The following GRB2 variants were observed in gnomAD, a reference collection of about 807,000 sequenced individuals.
The protein encoded by GRB2 is growth factor receptor bound protein 2.
Under a neutral mutation model 27.4 loss-of-function variants are expected in GRB2, and 2 were observed. The ratio of observed to expected loss-of-function variants is 0.07; its 90% CI spans 0.03 to 0.23. The LOEUF (loss-of-function observed/expected upper bound fraction) is 0.23. Ranked by LOEUF, GRB2 falls within the 10% of genes least tolerant of loss-of-function variation. The pLI, the probability that GRB2 is intolerant of heterozygous loss-of-function variation, is 1.00. For missense variants in GRB2, 102 were observed against 282.4 expected (o/e 0.36, Z 4.58); for synonymous variants, 94 against 99.6 (o/e 0.94, Z 0.33).
At chr17:75,337,786 G>T (rs1313785455) in intron 2 of GRB2, among the ~76,000 whole-genome samples, 1 of 150,548 alleles carries the variant, frequency 6.6e-6, no homozygotes, top group Non-Finnish European at 1.5e-5. Flanking sequence ...AGCCAGGACG[G>T]TCTTGATCTG....
chr17:75,405,566 C>G lies in GRB2; in HGVS notation c.-215G>C. 6.4e-6 allele frequency: 1 copy of G among 155,972 alleles called. No homozygotes were observed. The highest frequency in any genetic ancestry group is 1.6e-4 in the South Asian group (1 of 6,436). The allele number at this position is 155,972 out of a possible 1,614,324, so 9.7% of individuals were successfully genotyped here. A position where few individuals can be genotyped will look rare whatever the true frequency, so the allele number is the denominator to read the frequency against. ...AGCGGCCGGCGACCCCAAGGCTGCTCTGCGAGGGCAGCGCTTGCTCCCGCC... is the reference window on the plus strand; with the variant it reads ...AGCGGCCGGCGACCCCAAGGCTGCTGTGCGAGGGCAGCGCTTGCTCCCGCC... On this transcript the variant is annotated 5_prime_UTR_variant, in exon 1 of 6. Transcript: ENST00000316804.
intron 2 of GRB2, among the ~76,000 whole-genome samples, chr17:75,382,370 T>G (rs2078934816): frequency 1.3e-5 from 2 of 152,204 alleles, no homozygotes; most frequent in Admixed American, 1.3e-4. Context: ...TTACTGCTAA[T>G]AATTAATACA....
intron 2 of GRB2, among the ~76,000 whole-genome samples, chr17:75,361,787 A>T (rs902235884): frequency 3.3e-5 from 5 of 152,072 alleles, no homozygotes; most frequent in Admixed American, 6.6e-5. Context: ...CGCTCATTAC[A>T]TGTCCATTAC....
chr17:75,386,945 A>T (rs1049194041), intron 2 of GRB2, among the ~76,000 whole-genome samples: 1 of 151,318 alleles, frequency 6.6e-6, no homozygotes, highest in African/African-American at 2.4e-5. Flanking sequence ...GGAGGCTGAG[A>T]GGGGCAGATC....
intron 2 of GRB2, among the ~76,000 whole-genome samples, chr17:75,343,182 C>T (rs552644803): frequency 5.1e-4 from 78 of 151,940 alleles, no homozygotes; most frequent in African/African-American, 1.8e-3. Flanking sequence ...TACACATGTC[C>T]TATTAATCCC....
chr17:75,358,882 CAA>C (rs71159498), intron 2 of GRB2, among the ~76,000 whole-genome samples: 7,021 of 94,066 alleles, frequency 0.075, 247 homozygotes, highest in Middle Eastern at 0.15. Context: ...GACTCTGTCT[CAA>C]AAAAAAAAAA....
chr17:75,395,522 T>C (rs1231826529), intron 1 of GRB2, among the ~76,000 whole-genome samples: 1 of 152,244 alleles, frequency 6.6e-6, no homozygotes, highest in Non-Finnish European at 1.5e-5. Context: ...AAAAGGCTTA[T>C]GAAAAAGAGC....
intron 2 of GRB2, among the ~76,000 whole-genome samples, chr17:75,337,060 G>A (rs916118134): frequency 6.6e-6 from 1 of 152,154 alleles, no homozygotes; most frequent in Non-Finnish European, 1.5e-5. Context: ...TTGAGTACAT[G>A]AATGGTTACG....
At chr17:75,329,494 TTGTAG>T (rs1206524524) in intron 3 of GRB2, among the ~76,000 whole-genome samples, 5 of 152,034 alleles carry the variant, frequency 3.3e-5, no homozygotes, top group Non-Finnish European at 7.4e-5. Context: ...AAAAAATAAA[TTGTAG>T]TGAAGTACAA....
rs550526622 is a variant in GRB2 at position 75,331,593 on chromosome 17, C to T, written c.176+1107G>A. Among the ~76,000 whole-genome samples, 3 of 152,284 alleles carry T rather than the reference C, an allele frequency of 2.0e-5. No homozygotes were observed. The South Asian group carries it at 6.2e-4, about 32-fold the overall frequency. On this transcript the variant is annotated intron_variant, in intron 3 of 5. Transcript: ENST00000316804. ...TATGAAAACAAAAGGGAACTGAAGT[C>T]GATGTTGTGTTTGGATCTAATGAAG...
intron 2 of GRB2, among the ~76,000 whole-genome samples, chr17:75,381,621 T>G (rs1257210587): frequency 6.8e-6 from 1 of 148,142 alleles, no homozygotes; most frequent in Non-Finnish European, 1.5e-5. Flanking sequence ...CTCAGGAGGC[T>G]GAGGCAGGAG....
At chr17:75,322,089 C>T (rs2078464099) in intron 4 of GRB2, among the ~76,000 whole-genome samples, 1 of 152,008 alleles carries the variant, frequency 6.6e-6, no homozygotes, top group South Asian at 2.1e-4. Flanking sequence ...GATAAAGAGT[C>T]CAGGCCGGGT....
At chr17:75,388,254 C>T (rs2078977204) in intron 2 of GRB2, among the ~76,000 whole-genome samples, 1 of 151,960 alleles carries the variant, frequency 6.6e-6, no homozygotes, top group Non-Finnish European at 1.5e-5. Context: ...GCACGCGCAC[C>T]ACCGGGCCCG....
intron 2 of GRB2, among the ~76,000 whole-genome samples, chr17:75,379,171 G>A (rs915144154): frequency 2.0e-5 from 3 of 151,986 alleles, no homozygotes; most frequent in Non-Finnish European, 2.9e-5. Context: ...TGCATTAAAC[G>A]TTTTTTCTGA....
At chr17:75,403,946 T>C (rs957569062) in intron 1 of GRB2, among the ~76,000 whole-genome samples, 9 of 151,790 alleles carry the variant, frequency 5.9e-5, no homozygotes, top group Non-Finnish European at 1.0e-4. Context: ...AAACCCCATC[T>C]CTACTAAAAA....
intron 2 of GRB2, among the ~76,000 whole-genome samples, chr17:75,391,880 A>G (rs575749346): frequency 6.6e-6 from 1 of 152,122 alleles, no homozygotes; most frequent in South Asian, 2.1e-4. Context: ...TTGTTGCTTC[A>G]GTGCTTAATG....
At chr17:75,382,923 AT>A (rs2078938692) in intron 2 of GRB2, among the ~76,000 whole-genome samples, 1 of 152,068 alleles carries the variant, frequency 6.6e-6, no homozygotes, top group Admixed American at 6.6e-5. Context: ...GTTAGCCAGG[AT>A]GGTCTCGATC....
chr17:75,329,329 AAAGT>A (rs1249467474), intron 3 of GRB2, among the ~76,000 whole-genome samples: 1 of 152,170 alleles, frequency 6.6e-6, no homozygotes, highest in African/African-American at 2.4e-5. Context: ...GCAAACATAA[AAAGT>A]AAGATGCTTC....
chr17:75,329,527 G>C (rs1297952163), intron 3 of GRB2, among the ~76,000 whole-genome samples: 1 of 151,916 alleles, frequency 6.6e-6, no homozygotes, highest in Non-Finnish European at 1.5e-5. Flanking sequence ...TGTTTAAAAA[G>C]TACTCTAACT....
Sources: gnomAD v4.1 joint callset for allele counts (sites outside exome capture counted in the v4.1 genomes callset) on GRCh38, gnomAD v4.1.1 for gene constraint, MANE v1.5 for transcripts, NCBI Gene and HGNC (gene_info 2026-07-23, HGNC 2026-07-21) for gene names.